The following RPS6KA5 variants were observed in gnomAD, a reference collection of about 807,000 sequenced individuals.
RPS6KA5 encodes ribosomal protein S6 kinase alpha-5.
In RPS6KA5, 27 loss-of-function variants were observed where a neutral mutation model predicts 85.5. The observed-to-expected ratio is 0.32, with a 90% CI of 0.23 to 0.44. The LOEUF (loss-of-function observed/expected upper bound fraction) is 0.44. Ranked by LOEUF, RPS6KA5 falls within the 20% of genes least tolerant of loss-of-function variation. The pLI is 1.00. For missense variants in RPS6KA5, 811 were observed against 980.9 expected (o/e 0.83, Z 2.31); for synonymous variants, 334 against 348.2 (o/e 0.96, Z 0.46).
chr14:91,036,362 C>G (rs1055355551), intron 1 of RPS6KA5, among the ~76,000 whole-genome samples: 2 of 152,226 alleles, frequency 1.3e-5, no homozygotes, highest in Non-Finnish European at 2.9e-5. Flanking sequence ...GAACTAAACT[C>G]TACCATTTAC....
At chr14:91,004,242 C>T (rs2040911188) in intron 1 of RPS6KA5, among the ~76,000 whole-genome samples, 1 of 152,162 alleles carries the variant, frequency 6.6e-6, no homozygotes, top group African/African-American at 2.4e-5. Flanking sequence ...CCCGCCACCA[C>T]GCCCGGCTAA....
At chr14:91,048,198 T>C (rs2042946722) in intron 1 of RPS6KA5, among the ~76,000 whole-genome samples, 4 of 152,204 alleles carry the variant, frequency 2.6e-5, no homozygotes, top group African/African-American at 4.8e-5. Context: ...TAGGAAAATC[T>C]ACATAACAGT....
chr14:91,048,972 A>G (rs1385441064), intron 1 of RPS6KA5, among the ~76,000 whole-genome samples: 1 of 152,218 alleles, frequency 6.6e-6, no homozygotes, highest in Non-Finnish European at 1.5e-5. Context: ...AGGCTTCAGA[A>G]TATTTCCTTG....
In RPS6KA5 at chr14:90,906,233, C is replaced by G. The variant is rs149616968; in HGVS notation, c.873G>C (p.Gln291His). 4 of 1,612,326 alleles carry G rather than the reference C, an allele frequency of 2.5e-6. No individual in the cohort carries two copies. In the African/African-American group the frequency reaches 5.3e-5, roughly 22 times the overall value. The change falls in exon 8 of 17, where the codon CAG becomes CAC. Residue 291 changes from glutamine (Q) to histidine (H), a missense_variant. By Grantham distance (24) the Gln-to-His change is conservative. Around this residue, in one of 3 missense-constraint regions of RPS6KA5, gnomAD observed 650 missense variants for 793.4 expected, o/e 0.82. Coordinates refer to ENST00000614987, the MANE Select transcript of RPS6KA5 (RefSeq NM_004755.4). ...TCTTGGGATCTTTCATCAAAAGACG[C>G]TGAATTAGGTCTTTCGCTAAAGCAC... The part of the protein sequence containing the change: ...EMSALAKDLI[Q>H]RLLMKDPKKR...
At chr14:90,995,900 C>T (rs1283350939) in intron 2 of RPS6KA5, among the ~76,000 whole-genome samples, 1 of 152,110 alleles carries the variant, frequency 6.6e-6, no homozygotes, top group African/African-American at 2.4e-5. Context: ...GGCAACATAA[C>T]GAGACCCTGT....
At chr14:91,016,636 C>T (rs139415603) in intron 1 of RPS6KA5, among the ~76,000 whole-genome samples, 1 of 151,926 alleles carries the variant, frequency 6.6e-6, no homozygotes, top group Non-Finnish European at 1.5e-5. Context: ...CAGACTCCCT[C>T]GATAAAGTGA....
At chr14:91,008,378 G>A (rs75613684) in intron 1 of RPS6KA5, among the ~76,000 whole-genome samples, 3,232 of 152,284 alleles carry the variant, frequency 0.021, 46 homozygotes, top group Middle Eastern at 0.044. Context: ...AATAAGATAT[G>A]AGAAATGTAA....
At chr14:91,052,401 G>A in intron 1 of RPS6KA5, 1 of 383,968 alleles carries the variant, frequency 2.6e-6, no homozygotes, top group South Asian at 1.9e-5. Flanking sequence ...CCAGGAGGCG[G>A]AGGTTATAGT....
In RPS6KA5 at chr14:91,046,718, C is replaced by T. The variant is rs192897884; in HGVS notation, c.103+13614G>A. On this transcript the variant is annotated intron_variant, in intron 1 of 16. Transcript: ENST00000614987. ...GACAGACCTGTGTATGATTCTCCAC[C>T]CTTTTACCTCTAGCATTCTTTTAAG... Among the ~76,000 whole-genome samples the T allele has an allele frequency of 4.9e-3, 743 of 152,230 alleles. 8 individuals are homozygous for T. Among genetic ancestry groups the T allele is most frequent in the Middle Eastern group, 0.01 (3 of 294 alleles).
At chr14:90,894,185 C>A in intron 13 of RPS6KA5, 1 of 1,168,716 alleles carries the variant, frequency 8.6e-7, no homozygotes, top group Non-Finnish European at 1.1e-6. Flanking sequence ...CTCACACTTA[C>A]AAATATAACC....
intron 1 of RPS6KA5, among the ~76,000 whole-genome samples, chr14:91,033,971 A>T (rs10138936): frequency 0.015 from 2,323 of 152,282 alleles, 69 homozygotes; most frequent in African/African-American, 0.052. Flanking sequence ...AACAATGTAG[A>T]TAAATCCAAG....
intron 1 of RPS6KA5, among the ~76,000 whole-genome samples, chr14:91,058,331 C>T (rs145037873): frequency 1.3e-5 from 2 of 152,302 alleles, no homozygotes; most frequent in African/African-American, 4.8e-5. Flanking sequence ...GCTGATGATT[C>T]ACACAGTTAG....
At chr14:90,910,964 C>T (rs1200377717) in intron 7 of RPS6KA5, among the ~76,000 whole-genome samples, 2 of 152,130 alleles carry the variant, frequency 1.3e-5, no homozygotes, top group Non-Finnish European at 2.9e-5. Context: ...GGATTACAGG[C>T]GTGAGCCACT....
chr14:90,882,267 T>C (rs1484794716), intron 14 of RPS6KA5, among the ~76,000 whole-genome samples: 1 of 152,218 alleles, frequency 6.6e-6, no homozygotes, highest in Non-Finnish European at 1.5e-5. Flanking sequence ...TTTGCTCCTC[T>C]AACAGTTCTA....
At chr14:90,908,421 A>G (rs1245377847) in intron 7 of RPS6KA5, among the ~76,000 whole-genome samples, 1 of 152,212 alleles carries the variant, frequency 6.6e-6, no homozygotes, top group Non-Finnish European at 1.5e-5. Context: ...TATGGCCAGA[A>G]GCAGCAGCAG....
intron 2 of RPS6KA5, among the ~76,000 whole-genome samples, chr14:90,992,338 C>T (rs1257191791): frequency 6.6e-6 from 1 of 152,136 alleles, no homozygotes; most frequent in Admixed American, 6.6e-5. Flanking sequence ...ACAACTGATC[C>T]ATTATAAAAC....
At chr14:90,940,551 G>A (rs2037514632) in intron 5 of RPS6KA5, among the ~76,000 whole-genome samples, 1 of 152,168 alleles carries the variant, frequency 6.6e-6, no homozygotes, top group African/African-American at 2.4e-5. Context: ...ACATTTTGCT[G>A]TTCCCCAGGG....
chr14:90,901,570 T>C (rs2035172701), intron 9 of RPS6KA5, among the ~76,000 whole-genome samples: 1 of 152,338 alleles, frequency 6.6e-6, no homozygotes, highest in African/African-American at 2.4e-5. Context: ...CAAAGACGGA[T>C]GATTAATCCG....
In RPS6KA5 at chr14:90,902,974, A is replaced by G; in HGVS notation, c.958-5T>C. The G allele has an allele frequency of 6.2e-7, 1 of 1,608,520 alleles. No individual in the cohort carries two copies. The highest frequency in any genetic ancestry group is 8.5e-7 in the Non-Finnish European group (1 of 1,176,854). On this transcript the variant is annotated splice_polypyrimidine_tract_variant and splice_region_variant and intron_variant, in intron 8 of 16. Transcript: ENST00000614987. Reference sequence around the variant, plus strand: ...TAAATCATCCCAATTTATTTTCTAAAACAAAGAAAGTTGGTACAAAGTAGA... The same window carrying G: ...TAAATCATCCCAATTTATTTTCTAAGACAAAGAAAGTTGGTACAAAGTAGA...
Sources: gnomAD v4.1 joint callset for allele counts (sites outside exome capture counted in the v4.1 genomes callset) on GRCh38, gnomAD v4.1.1 for gene constraint, gnomAD v4.1.1 regional missense constraint, MANE v1.5 for transcripts, NCBI Gene and HGNC (gene_info 2026-07-23, HGNC 2026-07-21) for gene names.